The following FNDC3B variants were observed in gnomAD, a reference collection of about 807,000 sequenced individuals.
FNDC3B encodes the protein fibronectin type III domain-containing protein 3B.
In FNDC3B, 12 loss-of-function variants were observed where a neutral mutation model predicts 151.5. The observed-to-expected ratio is 0.08, with a 90% CI of 0.05 to 0.13. The LOEUF (loss-of-function observed/expected upper bound fraction) is 0.13. Ranked by LOEUF, FNDC3B falls within the 10% of genes least tolerant of loss-of-function variation. The pLI is 1.00. For missense variants in FNDC3B, 1,214 were observed against 1,505.3 expected (o/e 0.81, Z 3.20); for synonymous variants, 528 against 549.0 (o/e 0.96, Z 0.54).
At chr3:172,054,720 G>T (rs1051620589) in intron 1 of FNDC3B, among the ~76,000 whole-genome samples, 5 of 152,088 alleles carry the variant, frequency 3.3e-5, no homozygotes, top group Non-Finnish European at 7.4e-5. Flanking sequence ...CCTGAACAGG[G>T]GGGTAGGGGG....
In FNDC3B at chr3:172,192,476, C is replaced by T. The variant is rs539134288; in HGVS notation, c.188-34395C>T. Among the ~76,000 whole-genome samples, 31 of 151,994 alleles carry T rather than the reference C, an allele frequency of 2.0e-4. No homozygotes were observed. In the South Asian group the frequency reaches 3.7e-3, roughly 18 times the overall value. ...CTAGGATTACAGGTGTGAGCCACCG[C>T]GCCTGGCTGGTATGGTCTTTAATTG... On this transcript the variant is annotated intron_variant, in intron 3 of 25. Transcript: ENST00000415807.
intron 1 of FNDC3B, among the ~76,000 whole-genome samples, chr3:172,110,693 G>A (rs1318310367): frequency 6.6e-6 from 1 of 151,934 alleles, no homozygotes; most frequent in African/African-American, 2.4e-5. Flanking sequence ...CTGCACCACA[G>A]CCTCAATAGC....
At chr3:172,137,306 C>T (rs916525179) in intron 3 of FNDC3B, among the ~76,000 whole-genome samples, 1 of 152,148 alleles carries the variant, frequency 6.6e-6, no homozygotes, top group Admixed American at 6.5e-5. Flanking sequence ...AGAAAGACCT[C>T]AGAAGCTCAT....
chr3:172,351,149 T>G (rs896444461), intron 21 of FNDC3B, among the ~76,000 whole-genome samples: 1 of 152,182 alleles, frequency 6.6e-6, no homozygotes, highest in South Asian at 2.1e-4. Context: ...AGTGTCATGA[T>G]GTAAAGTACA....
chr3:172,048,742 T>G (rs527821417), intron 1 of FNDC3B, among the ~76,000 whole-genome samples: 9 of 152,308 alleles, frequency 5.9e-5, no homozygotes, highest in African/African-American at 1.7e-4. Flanking sequence ...TATTATATAT[T>G]GGAATATTTT....
intron 4 of FNDC3B, among the ~76,000 whole-genome samples, chr3:172,239,268 T>C (rs1187028017): frequency 6.6e-6 from 1 of 152,098 alleles, no homozygotes; most frequent in East Asian, 1.9e-4. Flanking sequence ...TGCCTACCCA[T>C]CCCCTGAGTC....
intron 4 of FNDC3B, among the ~76,000 whole-genome samples, chr3:172,236,139 T>C (rs1727150415): frequency 6.6e-6 from 1 of 152,264 alleles, no homozygotes; most frequent in South Asian, 2.1e-4. Context: ...TAGTATCGAT[T>C]GAAACTCTTG....
rs145140096 is a variant in FNDC3B at position 172,076,717 on chromosome 3, A to T, written c.-28-35735A>T. ...TGAGGTTCAGACTGGTTAAAGGAAG[A>T]TTGAAAGTTTCCATTGTATTTGATA... On this transcript the variant is annotated intron_variant, in intron 1 of 25. Coordinates refer to ENST00000415807, the MANE Select transcript of FNDC3B (RefSeq NM_022763.4). Among the ~76,000 whole-genome samples the T allele has an allele frequency of 1.0e-3, 153 of 152,332 alleles. 1 individual carries two copies. The highest frequency in any genetic ancestry group is 2.4e-3 in the Admixed American group (36 of 15,298).
intron 4 of FNDC3B, among the ~76,000 whole-genome samples, chr3:172,230,230 C>T (rs1021362928): frequency 3.3e-5 from 5 of 152,020 alleles, no homozygotes; most frequent in Admixed American, 1.3e-4. Context: ...CCGTGGCTCA[C>T]GCCTGTAATC....
chr3:172,305,239 G>A (rs1163237735), intron 9 of FNDC3B, among the ~76,000 whole-genome samples: 1 of 152,156 alleles, frequency 6.6e-6, no homozygotes, highest in Non-Finnish European at 1.5e-5. Context: ...TCCCGGGACT[G>A]TTCCCATTTC....
intron 1 of FNDC3B, among the ~76,000 whole-genome samples, chr3:172,055,568 CAG>C (rs1340168335): frequency 1.3e-5 from 2 of 152,150 alleles, no homozygotes; most frequent in African/African-American, 4.8e-5. Flanking sequence ...AAAAAGAGAA[CAG>C]AGGATTCAAA....
rs111722034 is a variant in FNDC3B, at chr3:172,171,802, A to T, written c.187+38256A>T. 5.6e-3 allele frequency among the ~76,000 whole-genome samples: 851 copies of T among 152,082 alleles called. 9 individuals carry two copies. The highest frequency in any genetic ancestry group is 0.02 in the African/African-American group (818 of 41,432). The stretch of plus-strand genomic sequence containing the variant: ...AAGGACTTTGAAATGAAAAAAAAAA[A>T]AATCCAATAGTGGGGTTTTCCCCTA... On this transcript the variant is annotated intron_variant, in intron 3 of 25. Coordinates refer to ENST00000415807, the MANE Select transcript of FNDC3B (RefSeq NM_022763.4).
intron 17 of FNDC3B, among the ~76,000 whole-genome samples, chr3:172,341,461 C>T (rs1455415778): frequency 6.6e-6 from 1 of 152,164 alleles, no homozygotes; most frequent in Non-Finnish European, 1.5e-5. Context: ...TTGTCACTCA[C>T]TCATTTCTCA....
intron 3 of FNDC3B, 160 bp downstream of exon 3, chr3:172,133,706 T>C (rs866383009): frequency 2.3e-5 from 16 of 688,888 alleles, no homozygotes; most frequent in Middle Eastern, 3.7e-4. Context: ...CAAATATATA[T>C]TATGATGTTA....
intron 1 of FNDC3B, among the ~76,000 whole-genome samples, chr3:172,110,458 A>G (rs778101663): frequency 3.3e-5 from 5 of 152,026 alleles, no homozygotes; most frequent in African/African-American, 9.7e-5. Context: ...CTAAACCTGT[A>G]TCATTATTTA....
intron 3 of FNDC3B, among the ~76,000 whole-genome samples, chr3:172,211,923 T>C (rs185622888): frequency 3.2e-4 from 48 of 152,358 alleles, no homozygotes; most frequent in African/African-American, 1.0e-3. Context: ...CAATTAAAGA[T>C]GTTTATAAAT....
chr3:172,202,783 G>C (rs929091054), intron 3 of FNDC3B, among the ~76,000 whole-genome samples: 11 of 152,170 alleles, frequency 7.2e-5, no homozygotes, highest in Non-Finnish European at 1.6e-4. Context: ...GAGATTGCCT[G>C]AAAGCACATT....
At chr3:172,357,949 C>G (rs1734177731) in intron 22 of FNDC3B, among the ~76,000 whole-genome samples, 1 of 152,174 alleles carries the variant, frequency 6.6e-6, no homozygotes, top group Non-Finnish European at 1.5e-5. Context: ...AACTTGTTGA[C>G]TCTTCTAAAT....
At position 172,293,046 on chromosome 3, in the gene FNDC3B, A is replaced by G. The variant is rs144736570; in HGVS notation, c.850-2317A>G. Reference sequence around the variant, plus strand: ...TTAAGAGTCCCTCTGTGTTCAGTATATCTGCCATGAGGCCCCTCATGTGCC... The same window carrying G: ...TTAAGAGTCCCTCTGTGTTCAGTATGTCTGCCATGAGGCCCCTCATGTGCC... On this transcript the variant is annotated intron_variant, in intron 7 of 25. Transcript: ENST00000415807. 5.1e-3 allele frequency among the ~76,000 whole-genome samples: 772 copies of G among 152,300 alleles called. 4 individuals carry two copies. Among genetic ancestry groups the G allele is most frequent in the Middle Eastern group, 0.014 (4 of 294 alleles).
Sources: allele counts gnomAD v4.1 joint callset (sites outside exome capture counted in the v4.1 genomes callset), GRCh38; gene constraint gnomAD v4.1.1; transcripts MANE v1.5; gene names NCBI Gene and HGNC (gene_info 2026-07-23, HGNC 2026-07-21).